The following PALLD variants were observed in gnomAD, a reference collection of about 807,000 sequenced individuals.
PALLD encodes the protein palladin.
In PALLD, 61 loss-of-function variants were observed where a neutral mutation model predicts 123.5. The ratio of observed to expected loss-of-function variants is 0.49; its 90% confidence interval spans 0.40 to 0.61. The LOEUF (loss-of-function observed/expected upper bound fraction) is 0.61, where lower values mean the gene tolerates loss of function less well. Among genes scored for constraint, PALLD ranks in the 20% least tolerant of loss-of-function variants. The probability of loss-of-function intolerance (pLI) is 0.00; values close to 1 mark genes in which losing one functional copy is unlikely to be tolerated. For synonymous variants in PALLD, 465 were observed against 496.4 expected (o/e 0.94, Z 0.84); for missense variants, 1,273 against 1,377.0 (o/e 0.92, Z 1.20).
At chr4:168,613,954 C>T (rs1479635369) in intron 2 of PALLD, among the ~76,000 whole-genome samples, 1 of 152,150 alleles carries the variant, frequency 6.6e-6, no homozygotes, top group Non-Finnish European at 1.5e-5. Context: ...CCCTCCAGAC[C>T]TAATAGTGTT....
Position 168,851,417 on chromosome 4 carries a change from G to C in PALLD, c.1965-39505G>C, listed in dbSNP as rs142146592. 1.1e-3 allele frequency among the ~76,000 whole-genome samples: 169 copies of C among 152,136 alleles called. 1 individual carries two copies. Among genetic ancestry groups the C allele is most frequent in the Non-Finnish European group, 2.3e-3 (156 of 68,032 alleles). On this transcript the variant is annotated intron_variant, in intron 10 of 21. Coordinates refer to ENST00000505667, the MANE Select transcript of PALLD (RefSeq NM_001166108.2). ...GAGTCTGGCTGTTTCACCCAGGCTG[G>C]AGTGCAATGGCGCAATCTCGGCTCA...
chr4:168,515,215 C>T (rs35266588), intron 2 of PALLD, among the ~76,000 whole-genome samples: 150 of 152,228 alleles, frequency 9.9e-4, no homozygotes, highest in Non-Finnish European at 1.8e-3. Flanking sequence ...GTGCACCAGA[C>T]GCCTAAGAAC....
At chr4:168,523,460 G>A (rs1763762277) in intron 2 of PALLD, among the ~76,000 whole-genome samples, 1 of 152,176 alleles carries the variant, frequency 6.6e-6, no homozygotes, top group African/African-American at 2.4e-5. Context: ...ATATACAGTT[G>A]TGGACATCTA....
chr4:168,865,783 AT>A (rs5863963), intron 10 of PALLD, among the ~76,000 whole-genome samples: 142,201 of 152,248 alleles, frequency 0.93, 66,504 homozygotes, highest in East Asian at 1. Context: ...GAATGAATTT[AT>A]TAGCATGGGC....
At chr4:168,738,174 T>C (rs1180116971) in intron 10 of PALLD, among the ~76,000 whole-genome samples, 2 of 152,218 alleles carry the variant, frequency 1.3e-5, no homozygotes, top group Non-Finnish European at 2.9e-5. Context: ...AGTCAGGGTT[T>C]GGAATCAATT....
At chr4:168,679,321 TG>T (rs201470176) in intron 3 of PALLD, among the ~76,000 whole-genome samples, 508 of 41,056 alleles carry the variant, frequency 0.012, 10 homozygotes, top group South Asian at 0.047. Flanking sequence ...TGGTGTGCGG[TG>T]GGGGGTATAT....
chr4:168,693,648 A>G (rs1464561120), intron 8 of PALLD, among the ~76,000 whole-genome samples: 1 of 152,218 alleles, frequency 6.6e-6, no homozygotes, highest in Non-Finnish European at 1.5e-5. Context: ...TTCTCCTGGC[A>G]GAGAAATATT....
chr4:168,868,860 G>A (rs960328543), intron 10 of PALLD, among the ~76,000 whole-genome samples: 10 of 152,168 alleles, frequency 6.6e-5, no homozygotes, highest in African/African-American at 2.4e-4. Flanking sequence ...TCCTATCAAA[G>A]AAAAGAACTG....
intron 2 of PALLD, among the ~76,000 whole-genome samples, chr4:168,614,048 T>A (rs1773988491): frequency 6.6e-6 from 1 of 152,196 alleles, no homozygotes; most frequent in Non-Finnish European, 1.5e-5. Flanking sequence ...AGTCATGTCA[T>A]AAGTAATGTC....
intron 1 of PALLD, among the ~76,000 whole-genome samples, chr4:168,500,707 A>T (rs1761313655): frequency 6.6e-6 from 1 of 152,154 alleles, no homozygotes; most frequent in Non-Finnish European, 1.5e-5. Context: ...GACAACATAG[A>T]GGATTCTCCC....
intron 20 of PALLD, 62 bp from the exon 21 acceptor site, chr4:168,925,171 C>T: frequency 1.3e-6 from 2 of 1,579,406 alleles, no homozygotes; most frequent in Non-Finnish European, 1.7e-6. Flanking sequence ...TCTTTATAAA[C>T]AACTATTGTG....
intron 8 of PALLD, among the ~76,000 whole-genome samples, chr4:168,705,214 T>C (rs1354566441): frequency 2.0e-5 from 3 of 152,166 alleles, no homozygotes; most frequent in Non-Finnish European, 2.9e-5. Flanking sequence ...ATAGACCTGA[T>C]GATTTTCTCA....
At chr4:168,776,723 A>C (rs1365603845) in intron 10 of PALLD, among the ~76,000 whole-genome samples, 1 of 152,190 alleles carries the variant, frequency 6.6e-6, no homozygotes, top group Non-Finnish European at 1.5e-5. Flanking sequence ...GATTTTTGTT[A>C]AATGCTTTTC....
intron 2 of PALLD, among the ~76,000 whole-genome samples, chr4:168,593,802 G>A (rs1771700788): frequency 6.6e-6 from 1 of 152,156 alleles, no homozygotes; most frequent in South Asian, 2.1e-4. Flanking sequence ...CAACAACTTG[G>A]TTATGTTGGG....
chr4:168,811,943 G>A (rs574114526), intron 10 of PALLD, among the ~76,000 whole-genome samples: 4 of 152,202 alleles, frequency 2.6e-5, no homozygotes, highest in East Asian at 1.9e-4. Context: ...TCCTACCCTC[G>A]CCTGTTTCCT....
intron 2 of PALLD, among the ~76,000 whole-genome samples, chr4:168,600,027 A>G (rs567770546): frequency 4.8e-5 from 7 of 146,908 alleles, no homozygotes; most frequent in African/African-American, 1.6e-4. Context: ...GTGTGTACAC[A>G]CACATACATA....
At chr4:168,853,530 G>A (rs28601675) in intron 10 of PALLD, among the ~76,000 whole-genome samples, 5,211 of 152,222 alleles carry the variant, frequency 0.034, 297 homozygotes, top group African/African-American at 0.12. Context: ...GAAAGACCTC[G>A]TGTGGTTTGG....
Position 168,903,916 on chromosome 4 carries a change from G to A in PALLD, c.2622+10G>A, listed in dbSNP as rs1314906073. 1.2e-6 allele frequency: 2 copies of A among 1,612,848 alleles called. No individual in the cohort carries two copies. Among genetic ancestry groups the A allele is most frequent in the South Asian group, 1.1e-5 (1 of 91,056 alleles). Reference sequence around the variant, plus strand: ...GGCTGCAAACCCTCAGGTAAAGAAGGGTATAGGTCTGGGCTCAGTTCTGTG... The same window carrying A: ...GGCTGCAAACCCTCAGGTAAAGAAGAGTATAGGTCTGGGCTCAGTTCTGTG... On this transcript the variant is annotated intron_variant, in intron 15 of 21. Transcript: ENST00000505667.
At chr4:168,778,612 C>T (rs903043928) in intron 10 of PALLD, among the ~76,000 whole-genome samples, 12 of 152,090 alleles carry the variant, frequency 7.9e-5, no homozygotes, top group Admixed American at 6.6e-4. Flanking sequence ...ACATAACAAA[C>T]CTTTACATGG....
Sources: gnomAD v4.1 joint callset for allele counts (sites outside exome capture counted in the v4.1 genomes callset) on GRCh38, gnomAD v4.1.1 for gene constraint, MANE v1.5 for transcripts, NCBI Gene and HGNC (gene_info 2026-07-23, HGNC 2026-07-21) for gene names.